The following HGH1 variants were observed in gnomAD, a reference collection of about 807,000 sequenced individuals.
HGH1 encodes HGH1 cochaperone.
HGH1 carries 31 observed loss-of-function variants against 31.7 expected under a neutral mutation model. That is an observed-to-expected ratio of 0.98 (90% CI 0.73 to 1.32). The LOEUF (loss-of-function observed/expected upper bound fraction) is 1.32. HGH1 is among the 40% of genes most tolerant of loss of function. The probability of loss-of-function intolerance (pLI) is 0.00; values close to 1 mark genes in which losing one functional copy is unlikely to be tolerated. For missense variants in HGH1, 618 were observed against 594.4 expected, an observed-to-expected ratio of 1.04 and a Z score of -0.41; for synonymous variants, 284 against 293.6, an observed-to-expected ratio of 0.97 and a Z score of 0.34.
At position 144,138,620 on chromosome 8, in the gene HGH1, T is replaced by A. The variant is rs1174260588; in HGVS notation, c.694+13T>A. 6.2e-7 allele frequency: 1 copy of A among 1,609,368 alleles called. No homozygotes were observed. Among genetic ancestry groups the A allele is most frequent in the Non-Finnish European group, 8.5e-7 (1 of 1,177,892 alleles). ...TGCTTCGAGCACCGTGAGTGGTGGG[T>A]GTGGCGGGGGTGCGTTGCCAGGTGT... On this transcript the variant is annotated intron_variant, in intron 2 of 5. Transcript: ENST00000347708.
chr8:144,139,854 T>C lies in HGH1; in HGVS notation c.*302T>C. 1 of 538,098 alleles carries C rather than the reference T, an allele frequency of 1.9e-6. No homozygotes were observed. Among genetic ancestry groups the C allele is most frequent in the African/African-American group, 2.1e-5 (1 of 47,008 alleles). The allele number at this position is 538,098 out of a possible 1,614,324, so 33.3% of individuals were successfully genotyped here. A position where few individuals can be genotyped will look rare whatever the true frequency, so the allele number is the denominator to read the frequency against. On this transcript the variant is annotated 3_prime_UTR_variant, in exon 6 of 6. Transcript: ENST00000347708. ...TGGCCAGGGAGCCATGAGAAGACTC[T>C]TCCTGGGCACGGCGTGGGGACTGGA...
chr8:144,139,723 C>A lies in HGH1; in HGVS notation c.*171C>A. The A allele has an allele frequency of 1.1e-6, 1 of 949,260 alleles. No homozygotes were observed. The highest frequency in any genetic ancestry group is 1.5e-6 in the Non-Finnish European group (1 of 648,538). The allele number at this position is 949,260 out of a possible 1,614,324, so 58.8% of individuals were successfully genotyped here. A position where few individuals can be genotyped will look rare whatever the true frequency, so the allele number is the denominator to read the frequency against. On this transcript the variant is annotated 3_prime_UTR_variant, in exon 6 of 6. Coordinates refer to ENST00000347708, the MANE Select transcript of HGH1 (RefSeq NM_016458.4). Reference sequence around the variant, plus strand: ...GTAAGGATTGGAGGCACTTTCCAGCCCTGTGCAGTGTTGCTACCAGCAAGA... The same window carrying A: ...GTAAGGATTGGAGGCACTTTCCAGCACTGTGCAGTGTTGCTACCAGCAAGA...
rs1310203452 is a variant in HGH1, at chr8:144,139,210, C to T, written c.907C>T (p.Arg303Trp). ...IMLLTATAPG[R>W]QQVRDQGAYL... The stretch of plus-strand genomic sequence containing the variant: ...TCAGCTGACAGCCACAGCACCAGGT[C>T]GGCAGCAGGTGCGGGACCAGGGAGC... Residue 303 changes from arginine (R) to tryptophan (W), a missense_variant, in exon 5 of 6, where the codon CGG becomes TGG. Physicochemically the swap from Arg to Trp is moderately radical, Grantham distance 101. Transcript: ENST00000347708. The T allele has an allele frequency of 6.2e-6, 10 of 1,613,874 alleles. No homozygotes were observed. Among genetic ancestry groups the T allele is most frequent in the Middle Eastern group, 3.3e-4 (2 of 6,078 alleles).
At chr8:144,138,474 G>C in intron 1 of HGH1, 33 bp from the exon 2 acceptor site, 1 of 1,597,526 alleles carries the variant, frequency 6.3e-7, no homozygotes, top group Non-Finnish European at 8.5e-7. Context: ...ACGGAAGTTA[G>C]GGGGGACGGC....
Position 144,138,516 on chromosome 8 carries a change from C to T in HGH1, c.603C>T (p.Val201=), listed in dbSNP as rs1360315707. Residue 201 remains valine (V), a synonymous_variant, in exon 2 of 6, where the codon GTC becomes GTT. Transcript: ENST00000347708. The part of the protein sequence containing the change: ...AFLLDPDRCV[V]QRLLPLTQYP... ...TGACACCTCCCAACAGGTGCGTGGT[C>T]CAGCGGCTGCTGCCCCTTACCCAGT... 6.2e-7 allele frequency: 1 copy of T among 1,609,926 alleles called. No homozygotes were observed. Among genetic ancestry groups the T allele is most frequent in the East Asian group, 2.2e-5 (1 of 44,800 alleles).
Position 144,138,028 on chromosome 8 carries a change from C to T in HGH1, c.193C>T (p.Leu65=). ...GCTGTTGGCGGGGCAGGCGGCGCTG[C>T]TGCAGGCGCTGATGGAGCTGGCGCC... ...RALLAGQAAL[L]QALMELAPAS... is the part of the protein sequence containing the mutation. Residue 65 remains leucine (L), a synonymous_variant, in exon 1 of 6, where the codon CTG becomes TTG. Transcript: ENST00000347708. The T allele has an allele frequency of 1.5e-6, 2 of 1,308,190 alleles. No individual in the cohort carries two copies. Among genetic ancestry groups the T allele is most frequent in the African/African-American group, 1.6e-5 (1 of 64,110 alleles). 81.0% of individuals were successfully genotyped at this position (1,308,190 alleles called of 1,614,324 possible).
rs923298865 is a variant in HGH1 at position 144,138,565 on chromosome 8, G to C, written c.652G>C (p.Gly218Arg). 2 of 1,612,816 alleles carry C rather than the reference G, an allele frequency of 1.2e-6. No individual in the cohort carries two copies. The highest frequency in any genetic ancestry group is 2.7e-5 in the African/African-American group (2 of 74,918). ...TQYPDSSVRR[G>R]GVVGTLRNCC... ...GTACCCCGACTCCTCTGTACGCAGG[G>C]GCGGGGTGGTGGGGACGCTGCGGAA... Residue 218 changes from glycine (G) to arginine (R), a missense_variant, in exon 2 of 6, where the codon GGC becomes CGC. By Grantham distance (125) the Gly-to-Arg change is moderately radical (BLOSUM62 -2). Coordinates refer to ENST00000347708, the MANE Select transcript of HGH1 (RefSeq NM_016458.4).
intron 4 of HGH1, 30 bp downstream of exon 4, chr8:144,139,130 C>T: frequency 6.2e-7 from 1 of 1,614,002 alleles, no homozygotes; most frequent in African/African-American, 1.3e-5. Flanking sequence ...CAATAAGCAC[C>T]ACCCCAACAC....
In HGH1 at chr8:144,138,174, G is replaced by A. The variant is rs1361267966; in HGVS notation, c.339G>A (p.Ala113=). ...TGCCAGCGCGCCTGATGGGCCGCGC[G>A]TTGGACCCGCAGTGGCCCTGGGCCG... The part of the protein sequence containing the change: ...PGLPARLMGR[A]LDPQWPWAEE... Residue 113 remains alanine (A), a synonymous_variant, in exon 1 of 6, where the codon GCG becomes GCA. Coordinates refer to ENST00000347708, the MANE Select transcript of HGH1 (RefSeq NM_016458.4). 3.6e-5 allele frequency: 48 copies of A among 1,319,218 alleles called. No homozygotes were observed. Among genetic ancestry groups the A allele is most frequent in the Middle Eastern group, 5.7e-4 (2 of 3,492 alleles). The allele number at this position is 1,319,218 out of a possible 1,614,324, so 81.7% of individuals were successfully genotyped here. A position where few individuals can be genotyped will look rare whatever the true frequency, so the allele number is the denominator to read the frequency against.
chr8:144,138,081 CCG>C lies in HGH1; in HGVS notation c.252_253del (p.Leu85ArgfsTer156). ...CCTCTGCCCCGGCCCGGGACGCCGC[CCG>C]CGCGCTCGTGAACTTGGCCGCCGAC... ...PASAPARDAA[R>X]ALVNLAADPG... On this transcript the variant is annotated frameshift_variant, in exon 1 of 6. Transcript: ENST00000347708. LOFTEE classifies it high-confidence loss of function. 7.6e-7 allele frequency: 1 copy of C among 1,322,294 alleles called. No individual in the cohort carries two copies. Among genetic ancestry groups the C allele is most frequent in the South Asian group, 1.7e-5 (1 of 57,924 alleles). 81.9% of individuals were successfully genotyped at this position (1,322,294 alleles called of 1,614,324 possible).
rs1444875456 is a variant in HGH1 at position 144,138,426 on chromosome 8, C to T, written c.591C>T (p.Asp197=). The change falls in exon 1 of 6, where the codon GAC becomes GAT. Residue 197 remains aspartate (D), a splice_region_variant and synonymous_variant. Coordinates refer to ENST00000347708, the MANE Select transcript of HGH1 (RefSeq NM_016458.4). ...PAARAFLLDP[D]RCVVQRLLPL... ...CGCGGGCCTTCCTACTGGACCCCGA[C>T]AGGTGAAGCCCAGGGCGCCCGCGCG... The T allele has an allele frequency of 1.9e-6, 3 of 1,588,972 alleles. No individual in the cohort carries two copies. The African/African-American group carries it at 4.0e-5, about 21-fold the overall frequency.
rs2130183564 is a variant in HGH1, at chr8:144,140,652, G to A, written c.*1100G>A. 6.6e-6 allele frequency: 1 copy of A among 152,526 alleles called. No homozygotes were observed. The highest frequency in any genetic ancestry group is 1.9e-4 in the East Asian group (1 of 5,182). 9.4% of individuals were successfully genotyped at this position (152,526 alleles called of 1,614,324 possible). On this transcript the variant is annotated 3_prime_UTR_variant, in exon 6 of 6. Coordinates refer to ENST00000347708, the MANE Select transcript of HGH1 (RefSeq NM_016458.4). ...CCCCTATGGTCTCCTGCTGTGGCTTGGGTGCCGGGCGTCTCCCGCCTCCAG... is the reference window on the plus strand; with the variant it reads ...CCCCTATGGTCTCCTGCTGTGGCTTAGGTGCCGGGCGTCTCCCGCCTCCAG...
At position 144,139,451 on chromosome 8, in the gene HGH1, G is replaced by A; in HGVS notation, c.1072G>A (p.Asp358Asn). 1.3e-6 allele frequency: 2 copies of A among 1,597,274 alleles called. No homozygotes were observed. Among genetic ancestry groups the A allele is most frequent in the Admixed American group, 1.8e-5 (1 of 56,388 alleles). ...ENLLEVQVPE[D>N]VEQQLQQLDC... ...CCTGCTGGAGGTGCAGGTGCCTGAG[G>A]ATGTGGAGCAGCAGCTGCAGCAGCT... is the stretch of plus-strand genomic sequence containing the variant. Residue 358 changes from aspartate to asparagine, a missense_variant, in exon 6 of 6, where the codon GAT (aspartate) becomes AAT (asparagine). Physicochemically the swap from Asp to Asn is conservative, Grantham distance 23 (BLOSUM62 1). Coordinates refer to ENST00000347708, the MANE Select transcript of HGH1 (RefSeq NM_016458.4).
Position 144,139,092 on chromosome 8 carries a change from A to G in HGH1, c.877A>G (p.Ile293Val). The G allele has an allele frequency of 5.0e-6, 8 of 1,613,982 alleles. No individual in the cohort carries two copies. Among genetic ancestry groups the G allele is most frequent in the Non-Finnish European group, 5.1e-6 (6 of 1,179,858 alleles). ...CATCCGCAAGATGCTTGTTGAAGCC[A>G]TCATGCTGGTGAGCAGGAGCCCTGC... is the stretch of plus-strand genomic sequence containing the variant. Reference protein sequence around the residue: ...ADIRKMLVEAIMLLTATAPGR... With the variant: ...ADIRKMLVEAVMLLTATAPGR... Residue 293 changes from isoleucine to valine, a missense_variant, in exon 4 of 6, where the codon ATC (isoleucine) becomes GTC (valine). By Grantham distance (29) the Ile-to-Val change is conservative (BLOSUM62 3). Coordinates refer to ENST00000347708, the MANE Select transcript of HGH1 (RefSeq NM_016458.4).
rs1815169392 is a variant in HGH1 at position 144,140,157 on chromosome 8, C to T, written c.*605C>T. The T allele has an allele frequency of 1.2e-5, 2 of 161,538 alleles. 1 individual carries two copies. The highest frequency in any genetic ancestry group is 3.2e-4 in the South Asian group (2 of 6,188). 10.0% of individuals were successfully genotyped at this position (161,538 alleles called of 1,614,324 possible). On this transcript the variant is annotated 3_prime_UTR_variant, in exon 6 of 6. Coordinates refer to ENST00000347708, the MANE Select transcript of HGH1 (RefSeq NM_016458.4). The stretch of plus-strand genomic sequence containing the variant: ...CAGCTCCCTAAGTCTTCCTGTTTCC[C>T]AGTCTCAGATTGAGTGGGTGCTCTC...
chr8:144,138,031 C>A lies in HGH1; in HGVS notation c.196C>A (p.Gln66Lys). The A allele has an allele frequency of 7.6e-7, 1 of 1,309,226 alleles. No individual in the cohort carries two copies. Among genetic ancestry groups the A allele is most frequent in the Non-Finnish European group, 9.7e-7 (1 of 1,027,052 alleles). The allele number at this position is 1,309,226 out of a possible 1,614,324, so 81.1% of individuals were successfully genotyped here. ...GTTGGCGGGGCAGGCGGCGCTGCTG[C>A]AGGCGCTGATGGAGCTGGCGCCGGC... ...ALLAGQAALL[Q>K]ALMELAPASA... Residue 66 changes from glutamine to lysine, a missense_variant, in exon 1 of 6, where the codon CAG becomes AAG. Physicochemically the swap from Gln to Lys is moderately conservative, Grantham distance 53. Transcript: ENST00000347708.
In HGH1 at chr8:144,137,917, T is replaced by G. The variant is rs1340061418; in HGVS notation, c.82T>G (p.Phe28Val). ...GGCAGAGGTGGTGAAGCTGCTGCCC[T>G]TCCTGGCGCCGGGCGCGCGGGCGGA... ...PEAEVVKLLP[F>V]LAPGARADLQ... is the part of the protein sequence containing the mutation. Residue 28 changes from phenylalanine (F) to valine (V), a missense_variant, in exon 1 of 6, where the codon TTC becomes GTC. By Grantham distance (50) the Phe-to-Val change is conservative. Transcript: ENST00000347708. 1.1e-5 allele frequency: 14 copies of G among 1,321,808 alleles called. No homozygotes were observed. The highest frequency in any genetic ancestry group is 1.3e-5 in the Non-Finnish European group (14 of 1,039,308). The allele number at this position is 1,321,808 out of a possible 1,614,324, so 81.9% of individuals were successfully genotyped here. A position where few individuals can be genotyped will look rare whatever the true frequency, so the allele number is the denominator to read the frequency against.
In HGH1 at chr8:144,138,618, G is replaced by T. The variant is rs1815133296; in HGVS notation, c.694+11G>T. 6.2e-7 allele frequency: 1 copy of T among 1,609,392 alleles called. No homozygotes were observed. Among genetic ancestry groups the T allele is most frequent in the African/African-American group, 1.3e-5 (1 of 74,864 alleles). On this transcript the variant is annotated intron_variant, in intron 2 of 5. Coordinates refer to ENST00000347708, the MANE Select transcript of HGH1 (RefSeq NM_016458.4). Reference sequence around the variant, plus strand: ...GCTGCTTCGAGCACCGTGAGTGGTGGGTGTGGCGGGGGTGCGTTGCCAGGT... The same window carrying T: ...GCTGCTTCGAGCACCGTGAGTGGTGTGTGTGGCGGGGGTGCGTTGCCAGGT...
intron 5 of HGH1, 25 bp downstream of exon 5, chr8:144,139,336 G>C: frequency 6.2e-7 from 1 of 1,613,956 alleles, no homozygotes; most frequent in Non-Finnish European, 8.5e-7. Context: ...GGAGAGGCTG[G>C]GGAAGGGGTG....
Sources: allele counts gnomAD v4.1 joint callset, GRCh38; gene constraint gnomAD v4.1.1; transcripts MANE v1.5; gene names NCBI Gene and HGNC (gene_info 2026-07-23, HGNC 2026-07-21).